ADAMTSL1: variants seen among roughly 807,000 people sequenced by gnomAD.
ADAMTSL1 encodes the protein ADAMTS-like protein 1.
ADAMTSL1 carries 126 observed loss-of-function variants against 201.8 expected under a neutral mutation model. The ratio of observed to expected loss-of-function variants is 0.62; its 90% confidence interval spans 0.54 to 0.72. ADAMTSL1 has a LOEUF of 0.72. ADAMTSL1 is among the 30% of genes least tolerant of loss of function. The pLI, the probability that ADAMTSL1 is intolerant of heterozygous loss-of-function variation, is 0.00. For synonymous variants in ADAMTSL1, 1,121 were observed against 903.4 expected, an observed-to-expected ratio of 1.24 and a Z score of -4.32; for missense variants, 2,679 against 2,277.8, an observed-to-expected ratio of 1.18 and a Z score of -3.59.
chr9:18,381,256 T>G (rs1381487368), intron 2 of ADAMTSL1, among the ~76,000 whole-genome samples: 1 of 152,222 alleles, frequency 6.6e-6, no homozygotes, highest in East Asian at 1.9e-4. Context: ...TTTGATTTTC[T>G]TCTTGCTGTC....
intron 4 of ADAMTSL1, among the ~76,000 whole-genome samples, chr9:18,616,547 T>C (rs985743729): frequency 2.6e-5 from 4 of 151,490 alleles, no homozygotes; most frequent in Admixed American, 6.6e-5. Context: ...ATTACACAAA[T>C]ATTCATTGTC....
chr9:18,138,735 C>T (rs1334466294), intron 1 of ADAMTSL1, among the ~76,000 whole-genome samples: 2 of 152,124 alleles, frequency 1.3e-5, no homozygotes, highest in African/African-American at 4.8e-5. Context: ...GTTATGCTTT[C>T]TGCAGCATCC....
intron 2 of ADAMTSL1, among the ~76,000 whole-genome samples, chr9:18,285,060 A>G (rs1420397504): frequency 1.3e-5 from 2 of 152,186 alleles, no homozygotes; most frequent in Non-Finnish European, 2.9e-5. Flanking sequence ...GTAAATCCCT[A>G]CAATGAATGG....
intron 3 of ADAMTSL1, among the ~76,000 whole-genome samples, chr9:18,551,821 T>C (rs1394662042): frequency 2.6e-5 from 4 of 151,894 alleles, no homozygotes; most frequent in Non-Finnish European, 4.4e-5. Context: ...CTCTTTCTTC[T>C]CGAATAGTTG....
intron 2 of ADAMTSL1, among the ~76,000 whole-genome samples, chr9:18,241,897 A>G (rs1290994974): frequency 6.6e-6 from 1 of 152,098 alleles, no homozygotes; most frequent in Admixed American, 6.5e-5. Context: ...ACAGCAACAA[A>G]AAACCTCATG....
intron 1 of ADAMTSL1, among the ~76,000 whole-genome samples, chr9:17,998,718 A>G (rs913276458): frequency 6.6e-5 from 10 of 152,044 alleles, no homozygotes; most frequent in South Asian, 6.2e-4. Context: ...TGGATTCTTT[A>G]TAAGTATTGA....
chr9:18,565,911 T>C (rs1821863270), intron 3 of ADAMTSL1, among the ~76,000 whole-genome samples: 1 of 152,222 alleles, frequency 6.6e-6, no homozygotes, highest in Non-Finnish European at 1.5e-5. Flanking sequence ...ATATGAGTAC[T>C]TTATAGTGCG....
At chr9:18,667,018 T>C (rs992812872) in intron 9 of ADAMTSL1, among the ~76,000 whole-genome samples, 6 of 150,758 alleles carry the variant, frequency 4.0e-5, no homozygotes, top group African/African-American at 1.2e-4. Context: ...GGGGCTTAAA[T>C]TGGCAAGAGG....
chr9:18,409,439 G>A (rs1015525773), intron 2 of ADAMTSL1, among the ~76,000 whole-genome samples: 6 of 134,452 alleles, frequency 4.5e-5, no homozygotes, highest in Admixed American at 2.2e-4. Flanking sequence ...GACATCCAAA[G>A]AAATGAGGGA....
At position 18,818,310 on chromosome 9, in the gene ADAMTSL1, GC is replaced by G. The variant is rs1823990182; in HGVS notation, c.3934+1074del. Among the ~76,000 whole-genome samples, 4 of 52,530 alleles carry G rather than the reference GC, an allele frequency of 7.6e-5. No individual in the cohort carries two copies. The South Asian group carries it at 2.7e-3, about 35-fold the overall frequency. 34.5% of individuals were successfully genotyped at this position (52,530 alleles called of 152,430 possible). A position where few individuals can be genotyped will look rare whatever the true frequency, so the allele number is the denominator to read the frequency against. ...CTGTCTGCAGAGTAGATAGGCAGTG[GC>G]ACCCCCATGCTTTGGTGGTTGCTTC... is the stretch of plus-strand genomic sequence containing the variant. On this transcript the variant is annotated intron_variant, in intron 21 of 28. Transcript: ENST00000380548.
intron 3 of ADAMTSL1, among the ~76,000 whole-genome samples, chr9:18,565,820 A>C (rs1429738329): frequency 6.6e-6 from 1 of 152,228 alleles, no homozygotes; most frequent in African/African-American, 2.4e-5. Flanking sequence ...GCAATCTTGC[A>C]CAAATAAATG....
chr9:18,735,849 C>G (rs767952709), intron 15 of ADAMTSL1, among the ~76,000 whole-genome samples: 1 of 144,450 alleles, frequency 6.9e-6, no homozygotes, highest in African/African-American at 2.6e-5. Flanking sequence ...CTCCTGGGCT[C>G]ATAAAGCTTA....
intron 2 of ADAMTSL1, among the ~76,000 whole-genome samples, chr9:18,266,153 G>A (rs1486553350): frequency 1.3e-5 from 2 of 152,320 alleles, no homozygotes; most frequent in Middle Eastern, 6.8e-3. Context: ...CGCCACTGCT[G>A]CTCCAATTAT....
chr9:18,308,988 T>G (rs551885285), intron 2 of ADAMTSL1, among the ~76,000 whole-genome samples: 1 of 152,146 alleles, frequency 6.6e-6, no homozygotes, highest in Non-Finnish European at 1.5e-5. Flanking sequence ...TTATCCACCA[T>G]GATCAAGTCA....
At chr9:18,169,508 A>T (rs1827793970) in intron 2 of ADAMTSL1, among the ~76,000 whole-genome samples, 1 of 152,100 alleles carries the variant, frequency 6.6e-6, no homozygotes, top group Non-Finnish European at 1.5e-5. Flanking sequence ...TACCAGTACC[A>T]TGCTGTTTTG....
chr9:17,985,006 T>G (rs1239512903), intron 1 of ADAMTSL1, among the ~76,000 whole-genome samples: 1 of 152,172 alleles, frequency 6.6e-6, no homozygotes, highest in Non-Finnish European at 1.5e-5. Context: ...AGCAGAATAG[T>G]GCCTAACATG....
intron 1 of ADAMTSL1, among the ~76,000 whole-genome samples, chr9:18,092,326 G>T (rs112003749): frequency 1.4e-4 from 22 of 152,216 alleles, no homozygotes; most frequent in African/African-American, 5.1e-4. Flanking sequence ...AGGCGAGGAA[G>T]GCTTCGCAAA....
intron 1 of ADAMTSL1, among the ~76,000 whole-genome samples, chr9:18,022,756 T>C (rs1820531017): frequency 6.6e-6 from 1 of 152,204 alleles, no homozygotes; most frequent in Non-Finnish European, 1.5e-5. Flanking sequence ...GCTGAATTCT[T>C]CTTTCCTATT....
chr9:18,409,360 G>T (rs1818333322), intron 2 of ADAMTSL1, among the ~76,000 whole-genome samples: 1 of 141,692 alleles, frequency 7.1e-6, no homozygotes, highest in Non-Finnish European at 1.5e-5. Context: ...TCCAGCCTGG[G>T]TGACAAGATT....
Sources: allele counts gnomAD v4.1 joint callset (sites outside exome capture counted in the v4.1 genomes callset), GRCh38; gene constraint gnomAD v4.1.1; transcripts MANE v1.5; gene names NCBI Gene and HGNC (gene_info 2026-07-23, HGNC 2026-07-21).